The following ZEB2 variants were observed in gnomAD, a reference collection of about 807,000 sequenced individuals.
ZEB2 encodes the protein zinc finger E-box binding homeobox 2.
A neutral mutation model predicts 99.9 loss-of-function variants in ZEB2; 6 were observed. The observed-to-expected ratio is 0.06, with a 90% CI of 0.03 to 0.12. The LOEUF is 0.12. Ranked by LOEUF, ZEB2 falls within the 10% of genes least tolerant of loss-of-function variation. The pLI is 1.00. For missense variants in ZEB2, 969 were observed against 1,502.8 expected, an observed-to-expected ratio of 0.64 and a Z score of 5.87; for synonymous variants, 517 against 542.5, an observed-to-expected ratio of 0.95 and a Z score of 0.65.
chr2:144,406,398 A>G (rs753206575), intron 4 of ZEB2, among the ~76,000 whole-genome samples: 70 of 152,196 alleles, frequency 4.6e-4, no homozygotes, highest in Non-Finnish European at 5.1e-4. Context: ...AAACTCAGAT[A>G]AGTATTATGA....
At chr2:144,502,128 AG>A (rs1704881445) in intron 2 of ZEB2, among the ~76,000 whole-genome samples, 1 of 152,192 alleles carries the variant, frequency 6.6e-6, no homozygotes, top group South Asian at 2.1e-4. Flanking sequence ...ATTCCATTTC[AG>A]ATTCTTAGTG....
chr2:144,388,831 G>C lies in ZEB2; in HGVS notation c.*620C>G. ...ATCTTACTTTTTCCTTCACGTCCAG[G>C]TCACTTTAAGACTTCGGTATCTTAA... On this transcript the variant is annotated 3_prime_UTR_variant, in exon 10 of 10. Transcript: ENST00000627532. This position sits in a 1 kb window ranked among gnomAD's most constrained non-coding sequence, Gnocchi z 5.4. The C allele has an allele frequency of 4.5e-6, 2 of 444,986 alleles. No homozygotes were observed. Among genetic ancestry groups the C allele is most frequent in the Non-Finnish European group, 9.1e-6 (2 of 219,236 alleles). The allele number at this position is 444,986 out of a possible 1,614,324, so 27.6% of individuals were successfully genotyped here.
chr2:144,505,386 TTTAGAAGCTCAG>T (rs1209486521), intron 2 of ZEB2, among the ~76,000 whole-genome samples: 1 of 152,176 alleles, frequency 6.6e-6, no homozygotes, highest in East Asian at 1.9e-4. Context: ...TTGGCAAAAG[TTTAGAAGCTCAG>T]TCCAGTTCCA....
intron 4 of ZEB2, among the ~76,000 whole-genome samples, chr2:144,422,609 G>A (rs1703633508): frequency 6.6e-6 from 1 of 152,180 alleles, no homozygotes; most frequent in Admixed American, 6.5e-5. Flanking sequence ...AGACCAGCCT[G>A]GCCAACATGG....
At chr2:144,411,142 A>T (rs1703459544) in intron 4 of ZEB2, among the ~76,000 whole-genome samples, 1 of 140,146 alleles carries the variant, frequency 7.1e-6, no homozygotes, top group African/African-American at 2.7e-5. Flanking sequence ...ACACACACAC[A>T]CACACACGCT....
intron 8 of ZEB2, among the ~76,000 whole-genome samples, 164 bp downstream of exon 8, chr2:144,398,137 G>A (rs1703254531): frequency 6.6e-6 from 1 of 152,160 alleles, no homozygotes; most frequent in African/African-American, 2.4e-5. Flanking sequence ...GTGATCCACT[G>A]TTTCATCCAT....
chr2:144,404,961 C>T lies in ZEB2; in HGVS notation c.467G>A (p.Arg156His), dbSNP rs1250217464. ...CTCGATGCTGACTGCATGACCATCG[C>T]GTTCCTCCAGTTTTCTTTTGGCAAA... Reference protein sequence around the residue: ...EYFAKRKLEERDGHAVSIEEY... With the variant: ...EYFAKRKLEEHDGHAVSIEEY... Residue 156 changes from arginine to histidine, a missense_variant, in exon 5 of 10, where the codon CGC (arginine) becomes CAC (histidine). Around this residue, in one of 8 missense-constraint regions of ZEB2, gnomAD observed 173 missense variants for 217.7 expected, o/e 0.79. Transcript: ENST00000627532. 2.5e-5 allele frequency: 41 copies of T among 1,614,114 alleles called. No individual in the cohort carries two copies. Among genetic ancestry groups the T allele is most frequent in the East Asian group, 4.5e-5 (2 of 44,902 alleles).
At chr2:144,488,877 C>T (rs1036023040) in intron 2 of ZEB2, among the ~76,000 whole-genome samples, 1 of 152,132 alleles carries the variant, frequency 6.6e-6, no homozygotes, top group African/African-American at 2.4e-5. Flanking sequence ...GTTTATTTGC[C>T]TCTTTAGAAA....
chr2:144,499,853 G>C (rs1704844406), intron 2 of ZEB2, among the ~76,000 whole-genome samples: 1 of 151,990 alleles, frequency 6.6e-6, no homozygotes, highest in African/African-American at 2.4e-5. Flanking sequence ...TGCAATTTGT[G>C]TTGTTATATT....
intron 2 of ZEB2, among the ~76,000 whole-genome samples, chr2:144,441,042 C>A (rs1183965808): frequency 6.7e-6 from 1 of 148,700 alleles, no homozygotes; most frequent in Non-Finnish European, 1.5e-5. Flanking sequence ...ATGCTTGGAG[C>A]AATCTAGTTT....
chr2:144,517,567 C>T, intron 1 of ZEB2, 148 bp from the exon 2 acceptor site: 1 of 476,634 alleles, frequency 2.1e-6, no homozygotes, highest in Non-Finnish European at 4.0e-6. Context: ...CCCCTCCCCG[C>T]CCCCCACCCC....
intron 2 of ZEB2, among the ~76,000 whole-genome samples, chr2:144,431,851 G>C (rs1027672815): frequency 1.4e-5 from 2 of 139,348 alleles, no homozygotes; most frequent in Non-Finnish European, 3.1e-5. Flanking sequence ...GGGAATGGGG[G>C]GGCTACAACA....
At chr2:144,417,163 C>A (rs1004026338) in intron 4 of ZEB2, among the ~76,000 whole-genome samples, 3 of 152,050 alleles carry the variant, frequency 2.0e-5, no homozygotes, top group Non-Finnish European at 4.4e-5. Context: ...AATAAGTGAC[C>A]ATTGAGTTGA....
chr2:144,517,417 G>A lies in ZEB2; in HGVS notation c.-67C>T. 6.3e-7 allele frequency: 1 copy of A among 1,580,732 alleles called. No individual in the cohort carries two copies. The highest frequency in any genetic ancestry group is 8.7e-7 in the Non-Finnish European group (1 of 1,151,600). On this transcript the variant is annotated splice_region_variant and 5_prime_UTR_variant, in exon 2 of 10. The change creates a premature stop within an existing upstream ORF in the 5' untranslated region. Coordinates refer to ENST00000627532, the MANE Select transcript of ZEB2 (RefSeq NM_014795.4). The stretch of plus-strand genomic sequence containing the variant: ...CCCTGCTTCGGCAGCACGCAGGCTC[G>A]ATCTAGCAACCAAACACAGCGACAA...
intron 4 of ZEB2, among the ~76,000 whole-genome samples, chr2:144,413,006 T>C (rs1254101513): frequency 6.6e-6 from 1 of 152,230 alleles, no homozygotes; most frequent in Non-Finnish European, 1.5e-5. Context: ...AGTTATTTCA[T>C]GTTTTTGAAT....
intron 4 of ZEB2, among the ~76,000 whole-genome samples, chr2:144,418,503 C>T (rs1310520079): frequency 6.6e-6 from 1 of 151,998 alleles, no homozygotes; most frequent in Non-Finnish European, 1.5e-5. Context: ...GCCTGGCCAA[C>T]ATGACAAAAC....
At chr2:144,424,098 C>T (rs1000233550) in intron 4 of ZEB2, among the ~76,000 whole-genome samples, 12 of 152,088 alleles carry the variant, frequency 7.9e-5, no homozygotes. Flanking sequence ...AGAGAAGATG[C>T]CATTCAGTGT....
intron 2 of ZEB2, among the ~76,000 whole-genome samples, chr2:144,499,839 G>C (rs1704844285): frequency 2.0e-5 from 3 of 151,982 alleles, no homozygotes; most frequent in Admixed American, 1.3e-4. Flanking sequence ...AACAATTTTA[G>C]GCTTGCAATT....
chr2:144,481,895 T>C (rs1372751936), intron 2 of ZEB2, among the ~76,000 whole-genome samples: 1 of 152,210 alleles, frequency 6.6e-6, no homozygotes, highest in African/African-American at 2.4e-5. Context: ...TTTTGAAACA[T>C]TTCTAAAGTA....
Sources: gnomAD v4.1 joint callset for allele counts (sites outside exome capture counted in the v4.1 genomes callset) on GRCh38, gnomAD v4.1.1 for gene constraint, gnomAD v4.1.1 regional missense constraint, Gnocchi (gnomAD v3.1) non-coding constraint, MANE v1.5 for transcripts, NCBI Gene and HGNC (gene_info 2026-07-23, HGNC 2026-07-21) for gene names.